Variants in ARHGEF4 observed in about 807,000 individuals in gnomAD.
ARHGEF4 encodes Rho guanine nucleotide exchange factor 4, also known as APC-stimulated guanine nucleotide exchange factor 1.
Under a neutral mutation model 162.0 loss-of-function variants are expected in ARHGEF4, and 119 were observed. The observed-to-expected ratio is 0.73, with a 90% confidence interval of 0.63 to 0.86. The LOEUF (loss-of-function observed/expected upper bound fraction) is 0.86. Among genes scored for constraint, ARHGEF4 ranks in the 40% least tolerant of loss-of-function variants. ARHGEF4 has a pLI of 0.00. For synonymous variants in ARHGEF4, 1,014 were observed against 979.9 expected, an observed-to-expected ratio of 1.03 and a Z score of -0.65; for missense variants, 2,488 against 2,456.0, an observed-to-expected ratio of 1.01 and a Z score of -0.28.
chr2:130,838,600 C>T (rs1003042498), intron 1 of ARHGEF4, among the ~76,000 whole-genome samples: 2 of 149,744 alleles, frequency 1.3e-5, no homozygotes, highest in African/African-American at 2.5e-5. Flanking sequence ...AGCGAGACTC[C>T]GTCTCAAAAA....
intron 1 of ARHGEF4, among the ~76,000 whole-genome samples, chr2:130,838,403 C>G (rs1048628246): frequency 3.9e-5 from 6 of 151,972 alleles, no homozygotes; most frequent in East Asian, 1.9e-4. Flanking sequence ...GTCACGAGTT[C>G]GAGACCAGCC....
At chr2:130,988,899 T>TAG (rs1174212061) in intron 4 of ARHGEF4, among the ~76,000 whole-genome samples, 418 of 113,016 alleles carry the variant, frequency 3.7e-3, no homozygotes, top group African/African-American at 5.8e-3. Context: ...TATATATATA[T>TAG]ATAGAGAGAG....
intron 4 of ARHGEF4, among the ~76,000 whole-genome samples, chr2:130,965,777 C>T (rs555601773): frequency 6.6e-6 from 1 of 152,282 alleles, no homozygotes; most frequent in East Asian, 1.9e-4. Flanking sequence ...GATCCAGGGA[C>T]TCCCTGGTTT....
intron 1 of ARHGEF4, among the ~76,000 whole-genome samples, chr2:130,891,645 GC>G (rs1679870170): frequency 6.6e-6 from 1 of 152,200 alleles, no homozygotes; most frequent in South Asian, 2.1e-4. Flanking sequence ...CTTGCAGACG[GC>G]CGCCTTCTGA....
At chr2:130,883,600 C>T (rs577091719) in intron 1 of ARHGEF4, among the ~76,000 whole-genome samples, 2 of 152,252 alleles carry the variant, frequency 1.3e-5, no homozygotes, top group East Asian at 3.9e-4. Flanking sequence ...ACCTGGGAAA[C>T]CAGAGGCAGG....
intron 4 of ARHGEF4, among the ~76,000 whole-genome samples, chr2:130,975,307 C>T (rs1397331780): frequency 2.6e-5 from 4 of 152,184 alleles, no homozygotes; most frequent in Non-Finnish European, 5.9e-5. Context: ...CTGGAGACTG[C>T]CCCTCGGAGG....
chr2:130,983,206 T>G (rs1419252244), intron 4 of ARHGEF4, among the ~76,000 whole-genome samples: 1 of 152,240 alleles, frequency 6.6e-6, no homozygotes, highest in Non-Finnish European at 1.5e-5. Context: ...ACTGAGAGAT[T>G]AAACACCATC....
chr2:130,853,384 T>A (rs372716000), intron 1 of ARHGEF4, among the ~76,000 whole-genome samples: 2 of 152,182 alleles, frequency 1.3e-5, no homozygotes, highest in Non-Finnish European at 2.9e-5. Flanking sequence ...AGAGTTGTTT[T>A]TCAGACTTCC....
At chr2:131,028,226 G>A (rs1396447816) in intron 5 of ARHGEF4, 142 bp downstream of exon 5, 7 of 1,237,988 alleles carry the variant, frequency 5.7e-6, no homozygotes, top group Non-Finnish European at 7.8e-6. Flanking sequence ...CGCAGTTTCA[G>A]CCTGCAGTCC....
intron 4 of ARHGEF4, among the ~76,000 whole-genome samples, chr2:130,979,734 T>TAAAA (rs776769283): frequency 4.2e-4 from 39 of 92,662 alleles, no homozygotes; most frequent in Admixed American, 6.9e-4. Context: ...AGACTCCATC[T>TAAAA]AAAAAAAAAA....
At chr2:130,906,126 AT>A (rs1323801653) in intron 1 of ARHGEF4, among the ~76,000 whole-genome samples, 1 of 152,052 alleles carries the variant, frequency 6.6e-6, no homozygotes, top group African/African-American at 2.4e-5. Flanking sequence ...GCAATTCCAT[AT>A]TTTTTGGCAC....
At chr2:130,919,912 A>T (rs1346776377) in intron 2 of ARHGEF4, among the ~76,000 whole-genome samples, 2 of 151,938 alleles carry the variant, frequency 1.3e-5, no homozygotes, top group East Asian at 3.9e-4. Context: ...ATCTGTCTCT[A>T]TGTGTCTGTG....
intron 1 of ARHGEF4, among the ~76,000 whole-genome samples, chr2:130,903,937 C>G (rs1466963446): frequency 6.6e-6 from 1 of 152,162 alleles, no homozygotes; most frequent in African/African-American, 2.4e-5. Flanking sequence ...TGATGGGCAC[C>G]TAAGTTGATT....
intron 3 of ARHGEF4, among the ~76,000 whole-genome samples, chr2:130,945,793 G>A (rs186801085): frequency 4.1e-4 from 62 of 152,254 alleles, no homozygotes; most frequent in African/African-American, 1.4e-3. Context: ...TGGATGGGGT[G>A]AAGTGTGCAA....
At chr2:130,871,588 TA>T (rs1347558384) in intron 1 of ARHGEF4, among the ~76,000 whole-genome samples, 2 of 128,492 alleles carry the variant, frequency 1.6e-5, no homozygotes, top group Non-Finnish European at 3.0e-5. Flanking sequence ...CATACATATA[TA>T]TATGCATACA....
chr2:130,839,867 C>A (rs902923066), intron 1 of ARHGEF4, among the ~76,000 whole-genome samples: 2 of 152,188 alleles, frequency 1.3e-5, no homozygotes, highest in Non-Finnish European at 2.9e-5. Flanking sequence ...GTCCTACTCT[C>A]TGGTACATGT....
intron 5 of ARHGEF4, chr2:131,035,027 C>A: frequency 2.0e-6 from 2 of 988,506 alleles, no homozygotes; most frequent in Non-Finnish European, 2.4e-6. Context: ...CCGGGCGCTG[C>A]GGGCCACCGG....
intron 1 of ARHGEF4, among the ~76,000 whole-genome samples, chr2:130,854,130 T>C (rs1681598141): frequency 6.6e-6 from 1 of 152,162 alleles, no homozygotes; most frequent in Non-Finnish European, 1.5e-5. Flanking sequence ...AAAAAAATTA[T>C]AGCATACCTG....
At position 130,944,821 on chromosome 2, in the gene ARHGEF4, G is replaced by T. The variant is rs149622559; in HGVS notation, c.3859-1688G>T. Among the ~76,000 whole-genome samples the T allele has an allele frequency of 5.3e-5, 8 of 152,104 alleles. No individual in the cohort carries two copies. In the East Asian group the frequency reaches 5.8e-4, roughly 11 times the overall value. On this transcript the variant is annotated intron_variant, in intron 3 of 13. Coordinates refer to ENST00000409359, the MANE Select transcript of ARHGEF4 (RefSeq NM_001367493.1). The stretch of plus-strand genomic sequence containing the variant: ...GTTCTTTGTGTGTCAGGTAATTTTC[G>T]ATTGTATTCTGGGCATCTTAAATGT...
Sources: gnomAD v4.1 joint callset for allele counts (sites outside exome capture counted in the v4.1 genomes callset) on GRCh38, gnomAD v4.1.1 for gene constraint, MANE v1.5 for transcripts, NCBI Gene and HGNC (gene_info 2026-07-23, HGNC 2026-07-21) for gene names.